ZCCHC17: variants seen among roughly 807,000 people sequenced by gnomAD.
The protein encoded by ZCCHC17 is zinc finger CCHC-type containing 17.
ZCCHC17 carries 18 observed loss-of-function variants against 30.6 expected under a neutral mutation model. That is an observed-to-expected ratio of 0.59 (90% confidence interval 0.41 to 0.87). The LOEUF (loss-of-function observed/expected upper bound fraction) is 0.87, where lower values mean the gene tolerates loss of function less well. ZCCHC17 is among the 40% of genes least tolerant of loss of function. The pLI is 0.00. For missense variants in ZCCHC17, 263 were observed against 284.2 expected, an observed-to-expected ratio of 0.93 and a Z score of 0.54; for synonymous variants, 88 against 92.4, an observed-to-expected ratio of 0.95 and a Z score of 0.27.
chr1:31,323,299 G>A (rs1056446272), intron 3 of ZCCHC17, among the ~76,000 whole-genome samples: 3 of 152,040 alleles, frequency 2.0e-5, no homozygotes, highest in African/African-American at 4.8e-5. Flanking sequence ...TGGATAAAGT[G>A]TACATAAAAC....
chr1:31,318,105 T>G, intron 2 of ZCCHC17: 1 of 1,257,778 alleles, frequency 8.0e-7, no homozygotes, highest in Non-Finnish European at 1.1e-6. Context: ...TAGTGAGTAT[T>G]CAGTATATAT....
intron 7 of ZCCHC17, among the ~76,000 whole-genome samples, chr1:31,361,770 T>C: frequency 6.6e-6 from 1 of 151,760 alleles, no homozygotes; most frequent in Middle Eastern, 3.2e-3. Flanking sequence ...GGTGTTTTTT[T>C]TGGGGAGAGG....
intron 3 of ZCCHC17, among the ~76,000 whole-genome samples, chr1:31,325,800 G>T (rs1239267974): frequency 6.6e-6 from 1 of 152,198 alleles, no homozygotes; most frequent in Non-Finnish European, 1.5e-5. Flanking sequence ...CAAAACTCGG[G>T]CAAAGGTGCT....
At chr1:31,328,396 A>G (rs931243471) in intron 3 of ZCCHC17, among the ~76,000 whole-genome samples, 1 of 151,842 alleles carries the variant, frequency 6.6e-6, no homozygotes, top group African/African-American at 2.4e-5. Flanking sequence ...CCTGTAGTCC[A>G]AGCTACTTGA....
At chr1:31,350,399 G>A (rs1639429887) in intron 7 of ZCCHC17, among the ~76,000 whole-genome samples, 1 of 151,878 alleles carries the variant, frequency 6.6e-6, no homozygotes, top group South Asian at 2.1e-4. Context: ...AATTAGCCAA[G>A]TATATGAATA....
chr1:31,313,068 C>CTTTTTTTTTTTTTTTTTTTTTTTT (rs59004055), intron 2 of ZCCHC17, among the ~76,000 whole-genome samples: 9 of 113,486 alleles, frequency 7.9e-5, no homozygotes, highest in Non-Finnish European at 1.4e-4. Context: ...CACTGGGCCT[C>CTTTTTTTTTTTTTTTTTTTTTTTT]TTTTTTTTTT....
At chr1:31,360,166 T>G (rs1262970438) in intron 7 of ZCCHC17, among the ~76,000 whole-genome samples, 1 of 136,738 alleles carries the variant, frequency 7.3e-6, no homozygotes, top group Non-Finnish European at 1.5e-5. Flanking sequence ...TGTGTGTGCG[T>G]GTTTTGTTTT....
intron 3 of ZCCHC17, among the ~76,000 whole-genome samples, chr1:31,328,805 C>T (rs756609106): frequency 6.6e-6 from 1 of 152,124 alleles, no homozygotes; most frequent in Non-Finnish European, 1.5e-5. Flanking sequence ...TTTTATAGAG[C>T]TCAGTCTCTA....
chr1:31,308,661 A>G (rs893846946), intron 1 of ZCCHC17, among the ~76,000 whole-genome samples: 1 of 152,232 alleles, frequency 6.6e-6, no homozygotes, highest in Admixed American at 6.5e-5. Flanking sequence ...AAGAGCCGCT[A>G]GATTGCTGGT....
intron 1 of ZCCHC17, among the ~76,000 whole-genome samples, chr1:31,308,896 G>A (rs927155167): frequency 2.6e-5 from 4 of 152,132 alleles, no homozygotes; most frequent in Admixed American, 6.5e-5. Context: ...TATTAGGTAC[G>A]TGTTAACAAA....
chr1:31,331,441 C>A (rs748749173), intron 3 of ZCCHC17, among the ~76,000 whole-genome samples: 3 of 151,906 alleles, frequency 2.0e-5, no homozygotes, highest in African/African-American at 4.8e-5. Context: ...CCAGCGTGCC[C>A]GTCCTGTATC....
At chr1:31,362,657 T>C (rs1345511754) in intron 7 of ZCCHC17, among the ~76,000 whole-genome samples, 1 of 152,174 alleles carries the variant, frequency 6.6e-6, no homozygotes, top group Non-Finnish European at 1.5e-5. Context: ...GGCTTATTAT[T>C]TGATGGCAGT....
At chr1:31,314,100 G>A (rs998072617) in intron 2 of ZCCHC17, among the ~76,000 whole-genome samples, 6 of 152,046 alleles carry the variant, frequency 3.9e-5, no homozygotes, top group African/African-American at 1.4e-4. Context: ...CCTGACCTCA[G>A]GTGATCCACC....
At chr1:31,363,182 C>CTTTT (rs374893533) in intron 7 of ZCCHC17, among the ~76,000 whole-genome samples, 1 of 135,640 alleles carries the variant, frequency 7.4e-6, no homozygotes, top group African/African-American at 2.8e-5. Flanking sequence ...ATGTCTTATA[C>CTTTT]TTTTTTTTTT....
chr1:31,308,858 A>G (rs954680340), intron 1 of ZCCHC17, among the ~76,000 whole-genome samples: 4 of 152,226 alleles, frequency 2.6e-5, no homozygotes, highest in Admixed American at 1.3e-4. Flanking sequence ...GAAATAGTTA[A>G]ATGAATTTGG....
At chr1:31,299,443 T>G (rs1646253027) in intron 1 of ZCCHC17, among the ~76,000 whole-genome samples, 1 of 152,232 alleles carries the variant, frequency 6.6e-6, no homozygotes, top group South Asian at 2.1e-4. Context: ...CTAATATGTC[T>G]TCTCTTCCTG....
chr1:31,344,130 C>G (rs1639155280), intron 5 of ZCCHC17, among the ~76,000 whole-genome samples: 2 of 152,062 alleles, frequency 1.3e-5, no homozygotes, highest in South Asian at 4.2e-4. Flanking sequence ...GCTAGGATTA[C>G]AGATGTGAGC....
At chr1:31,357,335 C>A (rs1639680391) in intron 7 of ZCCHC17, among the ~76,000 whole-genome samples, 1 of 152,212 alleles carries the variant, frequency 6.6e-6, no homozygotes, top group African/African-American at 2.4e-5. Context: ...GTTGCCTACT[C>A]AGAAGCCTTC....
chr1:31,355,700 G>A (rs1639618850), intron 7 of ZCCHC17, among the ~76,000 whole-genome samples: 1 of 152,104 alleles, frequency 6.6e-6, no homozygotes, highest in South Asian at 2.1e-4. Flanking sequence ...ATTGTGTTAG[G>A]TACTTGACAT....
Sources: allele counts gnomAD v4.1 joint callset (sites outside exome capture counted in the v4.1 genomes callset), GRCh38; gene constraint gnomAD v4.1.1; transcripts MANE v1.5; gene names NCBI Gene and HGNC (gene_info 2026-07-23, HGNC 2026-07-21).